Variants in RHOF observed in about 807,000 individuals in gnomAD.
The protein encoded by RHOF is ras homolog family member F, filopodia associated.
Under a neutral mutation model 22.2 loss-of-function variants are expected in RHOF, and 21 were observed. The observed-to-expected ratio is 0.95, with a 90% CI of 0.67 to 1.36. The LOEUF is 1.36. RHOF is among the 40% of genes most tolerant of loss of function. The pLI, the probability that RHOF is intolerant of heterozygous loss-of-function variation, is 0.00. For missense variants in RHOF, 285 were observed against 293.7 expected, an observed-to-expected ratio of 0.97 and a Z score of 0.22; for synonymous variants, 135 against 131.2, an observed-to-expected ratio of 1.03 and a Z score of -0.20.
At chr12:121,789,334 T>C (rs186532646) in intron 2 of RHOF, among the ~76,000 whole-genome samples, 1 of 152,038 alleles carries the variant, frequency 6.6e-6, no homozygotes, top group East Asian at 1.9e-4. Flanking sequence ...GAGCCGCCCA[T>C]CGTCCTGACG....
At chr12:121,790,710 CCT>C (rs1874742655) in intron 2 of RHOF, among the ~76,000 whole-genome samples, 1 of 152,132 alleles carries the variant, frequency 6.6e-6, no homozygotes, top group Non-Finnish European at 1.5e-5. Context: ...AGCCACCTCC[CCT>C]GAGCCCTGCT....
At chr12:121,784,602 T>C (rs192494301) in intron 2 of RHOF, among the ~76,000 whole-genome samples, 369 of 145,898 alleles carry the variant, frequency 2.5e-3, no homozygotes, top group Non-Finnish European at 4.2e-3. Flanking sequence ...GGTAGGGAAA[T>C]GATGAATACT....
intron 2 of RHOF, 83 bp downstream of exon 2, chr12:121,793,069 G>A: frequency 2.5e-6 from 3 of 1,191,970 alleles, no homozygotes; most frequent in Middle Eastern, 5.4e-4. Flanking sequence ...TGCAGGGCGG[G>A]GACACCCAGT....
intron 2 of RHOF, among the ~76,000 whole-genome samples, chr12:121,790,470 G>C (rs935384596): frequency 1.3e-5 from 2 of 152,248 alleles, no homozygotes; most frequent in Non-Finnish European, 2.9e-5. Flanking sequence ...CCTGCAGGCC[G>C]AGATGAATCA....
intron 2 of RHOF, among the ~76,000 whole-genome samples, chr12:121,791,004 G>C (rs959740821): frequency 1.3e-5 from 2 of 152,170 alleles, no homozygotes; most frequent in Admixed American, 6.5e-5. Context: ...CTTCCGAGTA[G>C]CTGGGACTAT....
In RHOF at chr12:121,779,280, C is replaced by T. The variant is rs1874351925; in HGVS notation, c.*218G>A. On this transcript the variant is annotated 3_prime_UTR_variant, in exon 5 of 5. Coordinates refer to ENST00000267205, the MANE Select transcript of RHOF (RefSeq NM_019034.3). ...TCCCGACAACAGACACTGGCTCCTG[C>T]ACCCACATCACCACCATGTCCCAGG... 1 of 590,032 alleles carries T rather than the reference C, an allele frequency of 1.7e-6. No homozygotes were observed. The highest frequency in any genetic ancestry group is 3.0e-5 in the Admixed American group (1 of 33,420). The allele number at this position is 590,032 out of a possible 1,614,324, so 36.5% of individuals were successfully genotyped here.
chr12:121,779,730 T>C, intron 4 of RHOF, 68 bp from the exon 5 acceptor site: 1 of 1,558,910 alleles, frequency 6.4e-7, no homozygotes, highest in Non-Finnish European at 8.8e-7. Context: ...ACCTGGTGGG[T>C]TTGGGACTGG....
chr12:121,793,594 C>G lies in RHOF; in HGVS notation c.40G>C (p.Gly14Arg). 1 of 1,551,646 alleles carries G rather than the reference C, an allele frequency of 6.4e-7. No homozygotes were observed. The highest frequency in any genetic ancestry group is 8.7e-7 in the Non-Finnish European group (1 of 1,153,574). Reference protein sequence around the residue: ...PGALAQTAAPGPGRKELKIVI... With the variant: ...PGALAQTAAPRPGRKELKIVI... Reference sequence around the variant, plus strand: ...ATCTTCAGCTCCTTCCTGCCCGGACCGGGGGCGGCGGTCTGGGCCAGGGCC... The same window carrying G: ...ATCTTCAGCTCCTTCCTGCCCGGACGGGGGGCGGCGGTCTGGGCCAGGGCC... The change falls in exon 1 of 5, where the codon GGT becomes CGT. Residue 14 changes from glycine to arginine, a missense_variant. Transcript: ENST00000267205.
rs753393556 is a variant in RHOF, at chr12:121,781,082, C to T, written c.336+1G>A. On this transcript the variant is annotated splice_donor_variant, in intron 3 of 4. Coordinates refer to ENST00000267205, the MANE Select transcript of RHOF (RefSeq NM_019034.3). LOFTEE classifies it high-confidence loss of function. ...GCCACCACCCAGGAGGCCGGCCTCACCTTGATGAGGACGTTGTCGTAGCTG... is the reference window on the plus strand; with the variant it reads ...GCCACCACCCAGGAGGCCGGCCTCATCTTGATGAGGACGTTGTCGTAGCTG... 11 of 1,614,000 alleles carry T rather than the reference C, an allele frequency of 6.8e-6. No homozygotes were observed. Among genetic ancestry groups the T allele is most frequent in the Admixed American group, 5.0e-5 (3 of 60,004 alleles).
At chr12:121,780,688 T>G (rs1874417948) in intron 4 of RHOF, 184 bp downstream of exon 4, 1 of 663,094 alleles carries the variant, frequency 1.5e-6, no homozygotes. Flanking sequence ...GTCCTAAGGA[T>G]TGGGAGTAGT....
chr12:121,785,769 C>T (rs1874592478), intron 2 of RHOF, among the ~76,000 whole-genome samples: 1 of 152,064 alleles, frequency 6.6e-6, no homozygotes, highest in African/African-American at 2.4e-5. Flanking sequence ...CCCGCCACCA[C>T]ACCAAGCTAA....
chr12:121,793,354 T>G (rs975294020), intron 1 of RHOF, 115 bp from the exon 2 acceptor site: 1 of 1,430,048 alleles, frequency 7.0e-7, no homozygotes, highest in Non-Finnish European at 9.5e-7. Flanking sequence ...CTCACCCCGC[T>G]GGGCTCTGGA....
intron 2 of RHOF, among the ~76,000 whole-genome samples, chr12:121,786,628 A>G (rs1301471410): frequency 2.6e-5 from 4 of 152,248 alleles, no homozygotes; most frequent in Non-Finnish European, 5.9e-5. Context: ...TCAGGGCTCT[A>G]TGGAATGTCG....
intron 4 of RHOF, chr12:121,780,512 A>AC: frequency 2.5e-6 from 1 of 406,068 alleles, no homozygotes; most frequent in South Asian, 6.7e-5. Context: ...CAGACAGGAC[A>AC]CGACAGGACG....
chr12:121,781,926 C>CGA (rs1377703422), intron 2 of RHOF: 1 of 152,222 alleles, frequency 6.6e-6, no homozygotes, highest in East Asian at 1.9e-4. Flanking sequence ...GGCTCCGCCC[C>CGA]GAGACGAGCT....
chr12:121,780,002 TC>T lies in RHOF; in HGVS notation c.472-341del, dbSNP rs1227311483. ...TGGAGGCCTCAAGACAGAAAGGACT[TC>T]CAGCCACCTCTCTCCCTTCTCTGAA... On this transcript the variant is annotated intron_variant, in intron 4 of 4. Coordinates refer to ENST00000267205, the MANE Select transcript of RHOF (RefSeq NM_019034.3). 4.1e-5 allele frequency: 10 copies of T among 243,564 alleles called. No homozygotes were observed. The Middle Eastern group carries it at 2.1e-3, about 52-fold the overall frequency. 15.1% of individuals were successfully genotyped at this position (243,564 alleles called of 1,614,324 possible). A position where few individuals can be genotyped will look rare whatever the true frequency, so the allele number is the denominator to read the frequency against.
In RHOF at chr12:121,780,952, A is replaced by G. The variant is rs779583396; in HGVS notation, c.391T>C (p.Cys131Arg). 2.5e-6 allele frequency: 4 copies of G among 1,613,996 alleles called. No individual in the cohort carries two copies. Among genetic ancestry groups the G allele is most frequent in the Non-Finnish European group, 2.5e-6 (3 of 1,180,004 alleles). The part of the protein sequence containing the change: ...CRGIPMVLIG[C>R]KTDLRKDKEQ... ...TTGTCCTTCCTCAGGTCTGTCTTGC[A>G]GCCGATGAGCACCATGGGGATCCCG... is the stretch of plus-strand genomic sequence containing the variant. The change falls in exon 4 of 5, where the codon TGC becomes CGC. Residue 131 changes from cysteine to arginine, a missense_variant. Transcript: ENST00000267205.
At position 121,793,616 on chromosome 12, in the gene RHOF, G is replaced by A; in HGVS notation, c.18C>T (p.Ala6=). The change falls in exon 1 of 5, where the codon GCC becomes GCT. Residue 6 remains alanine, a synonymous_variant. Coordinates refer to ENST00000267205, the MANE Select transcript of RHOF (RefSeq NM_019034.3). MDAPG[A]LAQTAAPGPG... is the part of the protein sequence containing the mutation. ...GACCGGGGGCGGCGGTCTGGGCCAG[G>A]GCCCCGGGGGCATCCATTGCCCGGA... 2 of 1,545,078 alleles carry A rather than the reference G, an allele frequency of 1.3e-6. No individual in the cohort carries two copies. Among genetic ancestry groups the A allele is most frequent in the South Asian group, 2.4e-5 (2 of 84,550 alleles).
chr12:121,793,591 G>A lies in RHOF; in HGVS notation c.43C>T (p.Pro15Ser). 1 of 1,552,324 alleles carries A rather than the reference G, an allele frequency of 6.4e-7. No individual in the cohort carries two copies. The highest frequency in any genetic ancestry group is 8.7e-7 in the Non-Finnish European group (1 of 1,153,556). Residue 15 changes from proline to serine, a missense_variant, in exon 1 of 5, where the codon CCG becomes TCG. Transcript: ENST00000267205. ...ACGATCTTCAGCTCCTTCCTGCCCG[G>A]ACCGGGGGCGGCGGTCTGGGCCAGG... Reference protein sequence around the residue: ...GALAQTAAPGPGRKELKIVIV... With the variant: ...GALAQTAAPGSGRKELKIVIV...
Sources: allele counts gnomAD v4.1 joint callset (sites outside exome capture counted in the v4.1 genomes callset), GRCh38; gene constraint gnomAD v4.1.1; transcripts MANE v1.5; gene names NCBI Gene and HGNC (gene_info 2026-07-23, HGNC 2026-07-21).